Variants in UFD1 observed in about 807,000 individuals in gnomAD.
The protein encoded by UFD1 is ubiquitin recognition factor in ER-associated degradation protein 1.
In UFD1, 13 loss-of-function variants were observed where a neutral mutation model predicts 45.9. The observed-to-expected ratio is 0.28, with a 90% CI of 0.18 to 0.45. The LOEUF (loss-of-function observed/expected upper bound fraction) is 0.45. UFD1 is among the 20% of genes least tolerant of loss of function. The pLI is 1.00. For synonymous variants in UFD1, 128 were observed against 139.2 expected (o/e 0.92, Z 0.56); for missense variants, 218 against 389.2 (o/e 0.56, Z 3.70).
intron 11 of UFD1, chr22:19,451,873 C>A (rs1376711540): frequency 2.5e-5 from 25 of 985,448 alleles, no homozygotes; most frequent in Non-Finnish European, 3.0e-5. Context: ...TTCGCCCTGC[C>A]GTACCTGGAC....
Position 19,450,488 on chromosome 22 carries a change from C to T in UFD1, c.*182G>A, listed in dbSNP as rs2089672180. ...TTTGTCTTTCCCCAAATCAAGCATA[C>T]AACTACAAAGTCCTGCTGCTCCACT... On this transcript the variant is annotated 3_prime_UTR_variant, in exon 12 of 12. Coordinates refer to ENST00000263202, the MANE Select transcript of UFD1 (RefSeq NM_005659.7). The T allele has an allele frequency of 5.4e-6, 4 of 741,152 alleles. No homozygotes were observed. The South Asian group carries it at 7.6e-5, about 14-fold the overall frequency. The allele number at this position is 741,152 out of a possible 1,614,324, so 45.9% of individuals were successfully genotyped here.
Position 19,466,234 on chromosome 22 carries a change from A to C in UFD1, c.423-960T>G, listed in dbSNP as rs2089800859. Reference sequence around the variant, plus strand: ...TGCCCTTCCCTCCACTCCTCTAGTGACCCTGCCAGGGCATCTTCTCTGACT... The same window carrying C: ...TGCCCTTCCCTCCACTCCTCTAGTGCCCCTGCCAGGGCATCTTCTCTGACT... On this transcript the variant is annotated intron_variant, in intron 5 of 11. Transcript: ENST00000263202. 3 of 152,374 alleles carry C rather than the reference A, an allele frequency of 2.0e-5. No individual in the cohort carries two copies. In the South Asian group the frequency reaches 6.2e-4, roughly 32 times the overall value. The allele number at this position is 152,374 out of a possible 1,614,324, so 9.4% of individuals were successfully genotyped here.
In UFD1 at chr22:19,449,984, C is replaced by T. The variant is rs974598441; in HGVS notation, c.*686G>A. The T allele has an allele frequency of 6.6e-6, 1 of 152,170 alleles. No homozygotes were observed. The highest frequency in any genetic ancestry group is 2.4e-5 in the African/African-American group (1 of 41,450). 9.4% of individuals were successfully genotyped at this position (152,170 alleles called of 1,614,324 possible). On this transcript the variant is annotated 3_prime_UTR_variant, in exon 12 of 12. Coordinates refer to ENST00000263202, the MANE Select transcript of UFD1 (RefSeq NM_005659.7). ...AAGAAGGAGAGGAACATCTCTTTAGCATTTGTTCATTCTAACATTCACATG... is the reference window on the plus strand; with the variant it reads ...AAGAAGGAGAGGAACATCTCTTTAGTATTTGTTCATTCTAACATTCACATG...
Position 19,460,563 on chromosome 22 carries a change from A to C in UFD1, c.496-2424T>G, listed in dbSNP as rs536731444. 3.3e-5 allele frequency among the ~76,000 whole-genome samples: 5 copies of C among 152,250 alleles called. No individual in the cohort carries two copies. In the South Asian group the frequency reaches 1.0e-3, roughly 32 times the overall value. On this transcript the variant is annotated intron_variant, in intron 6 of 11. Transcript: ENST00000263202. ...GAAGACCTAGTTTTTAAAAATGTGC[A>C]GTCTGCTGGACTGCCATGTGGTCCT...
At chr22:19,469,204 T>TA (rs1568900580) in intron 4 of UFD1, among the ~76,000 whole-genome samples, 1 of 152,176 alleles carries the variant, frequency 6.6e-6, no homozygotes, top group Non-Finnish European at 1.5e-5. Flanking sequence ...AGTGATGTTC[T>TA]AACAGGAAGT....
At chr22:19,456,307 A>G (rs1321067123) in intron 9 of UFD1, among the ~76,000 whole-genome samples, 1 of 152,186 alleles carries the variant, frequency 6.6e-6, no homozygotes, top group Admixed American at 6.5e-5. Context: ...GGTGAACCTA[A>G]GGGAACAGTA....
intron 7 of UFD1, 73 bp from the exon 8 acceptor site, chr22:19,456,991 G>C: frequency 1.0e-6 from 1 of 982,692 alleles, no homozygotes; most frequent in Non-Finnish European, 1.6e-6. Context: ...GTTTTTAATT[G>C]AGACAACTGT....
chr22:19,470,812 C>T, intron 4 of UFD1: 1 of 468,910 alleles, frequency 2.1e-6, no homozygotes, highest in South Asian at 1.5e-5. Context: ...CTGGCGGCCA[C>T]CATGATAGGG....
chr22:19,474,282 C>A (rs953918076), intron 3 of UFD1, among the ~76,000 whole-genome samples: 1 of 152,124 alleles, frequency 6.6e-6, no homozygotes, highest in African/African-American at 2.4e-5. Flanking sequence ...TGGTGGTTCA[C>A]GCCTATAATC....
intron 6 of UFD1, among the ~76,000 whole-genome samples, chr22:19,459,364 C>T (rs2089747518): frequency 6.6e-6 from 1 of 152,188 alleles, no homozygotes; most frequent in Non-Finnish European, 1.5e-5. Flanking sequence ...CCTGTAATCC[C>T]AGCACTTTGG....
rs1274591561 is a variant in UFD1, at chr22:19,468,017, G to C, written c.292-14C>G. On this transcript the variant is annotated splice_polypyrimidine_tract_variant and intron_variant, in intron 4 of 11. Coordinates refer to ENST00000263202, the MANE Select transcript of UFD1 (RefSeq NM_005659.7). ...GTTCTGCATCATCTGAAAGGAAGAAGAGGCTACATGAGACTCCTAGAGATG... is the reference window on the plus strand; with the variant it reads ...GTTCTGCATCATCTGAAAGGAAGAACAGGCTACATGAGACTCCTAGAGATG... The C allele has an allele frequency of 3.7e-6, 6 of 1,613,630 alleles. No individual in the cohort carries two copies. In the African/African-American group the frequency reaches 5.3e-5, roughly 14 times the overall value.
At chr22:19,458,291 A>G (rs2089739297) in intron 6 of UFD1, 152 bp from the exon 7 acceptor site, 1 of 786,940 alleles carries the variant, frequency 1.3e-6, no homozygotes, top group Admixed American at 2.1e-5. Context: ...CTGTGACAAC[A>G]CTGCCATAAG....
chr22:19,479,019 G>T (rs2089922732), intron 1 of UFD1, 64 bp downstream of exon 1: 11 of 654,412 alleles, frequency 1.7e-5, no homozygotes, highest in Non-Finnish European at 2.5e-5. Context: ...GCCCTGCCCC[G>T]CCGGGCCCTA....
chr22:19,475,658 A>C (rs1296068401), intron 1 of UFD1, 56 bp from the exon 2 acceptor site: 2 of 1,597,396 alleles, frequency 1.3e-6, no homozygotes, highest in Non-Finnish European at 1.7e-6. Flanking sequence ...CTTCATGTCA[A>C]AAGCCAAAAC....
In UFD1 at chr22:19,471,888, C is replaced by G. The variant is rs2089848859; in HGVS notation, c.170-80G>C. 5.2e-6 allele frequency: 8 copies of G among 1,544,868 alleles called. No homozygotes were observed. In the South Asian group the frequency reaches 7.4e-5, roughly 14 times the overall value. On this transcript the variant is annotated intron_variant, in intron 3 of 11. Coordinates refer to ENST00000263202, the MANE Select transcript of UFD1 (RefSeq NM_005659.7). ...GGCCCACGCCTTCCCATAGAAGGAGCCTCCCCACAATCCTGCCCTCAACCC... is the reference window on the plus strand; with the variant it reads ...GGCCCACGCCTTCCCATAGAAGGAGGCTCCCCACAATCCTGCCCTCAACCC...
intron 6 of UFD1, among the ~76,000 whole-genome samples, chr22:19,463,782 A>T (rs534402805): frequency 6.6e-5 from 10 of 152,320 alleles, no homozygotes; most frequent in African/African-American, 2.2e-4. Context: ...TACATTAATC[A>T]GAAGGGCCCA....
At chr22:19,471,896 C>A (rs2089848937) in intron 3 of UFD1, 88 bp from the exon 4 acceptor site, 1 of 1,530,566 alleles carries the variant, frequency 6.5e-7, no homozygotes, top group Non-Finnish European at 8.8e-7. Context: ...AGCCTCCCCA[C>A]AATCCTGCCC....
At chr22:19,471,244 C>T (rs748574748) in intron 4 of UFD1, 5 of 516,036 alleles carry the variant, frequency 9.7e-6, no homozygotes, top group South Asian at 4.2e-5. Flanking sequence ...ACGTCACTCC[C>T]ATGGCAGCTC....
At chr22:19,474,974 G>T in intron 3 of UFD1, 94 bp downstream of exon 3, 1 of 1,240,894 alleles carries the variant, frequency 8.1e-7, no homozygotes, top group Non-Finnish European at 1.1e-6. Context: ...CTGACAAAGG[G>T]CACTGGTGTC....
Sources: allele counts gnomAD v4.1 joint callset (sites outside exome capture counted in the v4.1 genomes callset), GRCh38; gene constraint gnomAD v4.1.1; transcripts MANE v1.5; gene names NCBI Gene and HGNC (gene_info 2026-07-23, HGNC 2026-07-21).